MOK: variants seen among roughly 807,000 people sequenced by gnomAD.
The protein encoded by MOK is MOK protein kinase, also known as MAPK/MAK/MRK overlapping kinase.
Under a neutral mutation model 54.2 loss-of-function variants are expected in MOK, and 59 were observed. That is an observed-to-expected ratio of 1.09 (90% CI 0.88 to 1.35). The LOEUF is 1.35. Among genes scored for constraint, MOK ranks in the 40% most tolerant of loss-of-function variants. The probability of loss-of-function intolerance (pLI) is 0.00; values close to 1 mark genes in which losing one functional copy is unlikely to be tolerated. For synonymous variants in MOK, 210 were observed against 202.7 expected (o/e 1.04, Z -0.31); for missense variants, 517 against 526.2 (o/e 0.98, Z 0.17).
At chr14:102,254,549 G>T (rs947074124) in intron 4 of MOK, among the ~76,000 whole-genome samples, 3 of 152,130 alleles carry the variant, frequency 2.0e-5, no homozygotes, top group Admixed American at 2.0e-4. Context: ...ATCAAACCCA[G>T]TCTCACTGCT....
At chr14:102,260,917 T>C (rs763602687) in intron 4 of MOK, among the ~76,000 whole-genome samples, 1 of 151,492 alleles carries the variant, frequency 6.6e-6, no homozygotes, top group Non-Finnish European at 1.5e-5. Flanking sequence ...GTCAAGGAGA[T>C]TGAGACCATC....
chr14:102,281,306 A>G (rs1326311488), intron 2 of MOK, among the ~76,000 whole-genome samples: 1 of 151,738 alleles, frequency 6.6e-6, no homozygotes, highest in Non-Finnish European at 1.5e-5. Context: ...CCTAGGTGAC[A>G]ATGCGAGACT....
Position 102,232,585 on chromosome 14 carries a change from C to G in MOK, c.816G>C (p.Glu272Asp), listed in dbSNP as rs1567133856. 2 of 1,614,052 alleles carry G rather than the reference C, an allele frequency of 1.2e-6. No homozygotes were observed. Among genetic ancestry groups the G allele is most frequent in the Non-Finnish European group, 1.7e-6 (2 of 1,179,972 alleles). The stretch of plus-strand genomic sequence containing the variant: ...GCAGGGCCTGGTGGGCGGCGATTCT[C>G]TCATCGGGATCATAGGCCACCATTG... ...LHAMVAYDPDERIAAHQALQH... is the reference protein window; with the variant it reads ...LHAMVAYDPDDRIAAHQALQH... The change falls in exon 9 of 12, where the codon GAG becomes GAC. Residue 272 changes from glutamate (E) to aspartate (D), a missense_variant. By Grantham distance (45) the Glu-to-Asp change is conservative (BLOSUM62 2). Coordinates refer to ENST00000361847, the MANE Select transcript of MOK (RefSeq NM_014226.3). This position sits in a 1 kb window ranked among gnomAD's most constrained non-coding sequence, Gnocchi z 5.1.
In MOK at chr14:102,229,355, C is replaced by T. The variant is rs765459818; in HGVS notation, c.1194G>A (p.Gln398=). 3.1e-6 allele frequency: 5 copies of T among 1,614,180 alleles called. No individual in the cohort carries two copies. Among genetic ancestry groups the T allele is most frequent in the Non-Finnish European group, 3.4e-6 (4 of 1,180,010 alleles). Residue 398 remains glutamine (Q), a synonymous_variant, in exon 12 of 12, where the codon CAG becomes CAA. Transcript: ENST00000361847. ...CIPASKKTDP[Q]KDLKPAPQQC... ...GCTGCGGGGCAGGCTTAAGGTCCTTCTGCGGATCTGTCTGTCAAAGAAAAA... is the reference window on the plus strand; with the variant it reads ...GCTGCGGGGCAGGCTTAAGGTCCTTTTGCGGATCTGTCTGTCAAAGAAAAA...
chr14:102,293,524 C>A (rs893736821), intron 1 of MOK, among the ~76,000 whole-genome samples: 1 of 151,120 alleles, frequency 6.6e-6, no homozygotes, highest in African/African-American at 2.4e-5. Context: ...CATGGAGAAA[C>A]CCTGTCTCTA....
chr14:102,253,553 A>T (rs33997362), intron 4 of MOK, among the ~76,000 whole-genome samples: 46,208 of 152,114 alleles, frequency 0.3, 8,984 homozygotes, highest in African/African-American at 0.56. Flanking sequence ...GCTTTCAGTC[A>T]CAGTCCACAT....
At chr14:102,216,775 C>G in the MOK span, among the ~76,000 whole-genome samples, 2 of 152,060 alleles carry the variant, frequency 1.3e-5, no homozygotes, top group African/African-American at 4.8e-5. Flanking sequence ...ACTAAAAATA[C>G]AAAAATTAGC....
Position 102,232,675 on chromosome 14 carries a change from T to C in MOK, c.726A>G (p.Lys242=), listed in dbSNP as rs56357264. The change falls in exon 9 of 12, where the codon AAA becomes AAG. Residue 242 remains lysine (K), a synonymous_variant. Coordinates refer to ENST00000361847, the MANE Select transcript of MOK (RefSeq NM_014226.3). This position sits in a 1 kb window ranked among gnomAD's most constrained non-coding sequence, Gnocchi z 5.1. Reference sequence around the variant, plus strand: ...TTAGTAGAGGTATTCCTGATCCCTTTTTAAAAGGAAAATCAAAATTCATAG... The same window carrying C: ...TTAGTAGAGGTATTCCTGATCCCTTCTTAAAAGGAAAATCAAAATTCATAG... ...SRAMNFDFPF[K]KGSGIPLLTT... 7.7e-5 allele frequency: 124 copies of C among 1,613,790 alleles called. No homozygotes were observed. In the East Asian group the frequency reaches 1.2e-3, roughly 15 times the overall value.
chr14:102,232,351 G>T lies in MOK; in HGVS notation c.866+184C>A. ...GGAGCTGCTAACATCCTCATTTTGG[G>T]GAGGATACACCAGAAGGCAGCACGG... On this transcript the variant is annotated intron_variant, in intron 9 of 11. Coordinates refer to ENST00000361847, the MANE Select transcript of MOK (RefSeq NM_014226.3). This position sits in a 1 kb window ranked among gnomAD's most constrained non-coding sequence, Gnocchi z 5.1. 1.8e-6 allele frequency: 1 copy of T among 569,892 alleles called. No individual in the cohort carries two copies. The highest frequency in any genetic ancestry group is 2.9e-6 in the Non-Finnish European group (1 of 347,618). 35.3% of individuals were successfully genotyped at this position (569,892 alleles called of 1,614,324 possible).
At chr14:102,266,453 T>C (rs1442241437) in intron 2 of MOK, among the ~76,000 whole-genome samples, 1 of 151,694 alleles carries the variant, frequency 6.6e-6, no homozygotes, top group Non-Finnish European at 1.5e-5. Flanking sequence ...CACAGGTGCA[T>C]CCCACTATGC....
At chr14:102,264,624 A>C (rs1035476567) in intron 3 of MOK, 2 of 152,264 alleles carry the variant, frequency 1.3e-5, no homozygotes, top group Non-Finnish European at 2.9e-5. Flanking sequence ...ACGTGCATGC[A>C]GTGTTGAGAC....
At chr14:102,246,857 C>T (rs1438588692) in intron 7 of MOK, among the ~76,000 whole-genome samples, 1 of 151,836 alleles carries the variant, frequency 6.6e-6, no homozygotes, top group Non-Finnish European at 1.5e-5. Flanking sequence ...CAAGCATTCC[C>T]CTCAGCCACC....
intron 4 of MOK, among the ~76,000 whole-genome samples, chr14:102,257,429 T>C (rs888636064): frequency 1.3e-5 from 2 of 152,196 alleles, no homozygotes; most frequent in African/African-American, 4.8e-5. Context: ...GCCCAGAGTC[T>C]GCTTCTTCAG....
intron 7 of MOK, chr14:102,237,996 T>G (rs2153092706): frequency 6.6e-6 from 1 of 152,384 alleles, no homozygotes; most frequent in South Asian, 2.1e-4. Context: ...TTGCCAAAAG[T>G]GCTCCCTTCA....
intron 4 of MOK, among the ~76,000 whole-genome samples, chr14:102,257,799 A>T (rs2067088537): frequency 6.6e-6 from 1 of 152,136 alleles, no homozygotes; most frequent in Non-Finnish European, 1.5e-5. Flanking sequence ...CAACATGGTG[A>T]AACCCCGTCT....
chr14:102,223,490 T>C (rs2064126499), downstream of MOK: 1 of 152,644 alleles, frequency 6.6e-6, no homozygotes, highest in Non-Finnish European at 1.5e-5. Context: ...GATGCCCTTT[T>C]TACCCGTTGA....
rs746176801 is a variant in MOK, at chr14:102,229,440, A to G, written c.1182+17T>C. ...GGTCGAAGAGCAGCGCCGTCAGAGAAGCTGGTTCCGCGCTACCTTCTTGCT... is the reference window on the plus strand; with the variant it reads ...GGTCGAAGAGCAGCGCCGTCAGAGAGGCTGGTTCCGCGCTACCTTCTTGCT... On this transcript the variant is annotated intron_variant, in intron 11 of 11. Transcript: ENST00000361847. 1 of 1,614,164 alleles carries G rather than the reference A, an allele frequency of 6.2e-7. No homozygotes were observed. The highest frequency in any genetic ancestry group is 8.5e-7 in the Non-Finnish European group (1 of 1,180,012).
intron 7 of MOK, among the ~76,000 whole-genome samples, chr14:102,248,439 C>T (rs1462932382): frequency 6.6e-6 from 1 of 152,024 alleles, no homozygotes; most frequent in Non-Finnish European, 1.5e-5. Flanking sequence ...CATCTAGTTG[C>T]TACCACAAAC....
chr14:102,254,657 T>A (rs2066787178), intron 4 of MOK, among the ~76,000 whole-genome samples: 2 of 152,044 alleles, frequency 1.3e-5, no homozygotes, highest in Non-Finnish European at 2.9e-5. Flanking sequence ...ACACATACTG[T>A]CCCTCCCCAT....
Sources: allele counts gnomAD v4.1 joint callset (sites outside exome capture counted in the v4.1 genomes callset), GRCh38; gene constraint gnomAD v4.1.1; non-coding constraint Gnocchi (gnomAD v3.1); transcripts MANE v1.5; gene names NCBI Gene and HGNC (gene_info 2026-07-23, HGNC 2026-07-21).